The following STX11 variants were observed in gnomAD, a reference collection of about 807,000 sequenced individuals.
The protein encoded by STX11 is syntaxin 11.
In STX11, 21 loss-of-function variants were observed where a neutral mutation model predicts 19.9. That is an observed-to-expected ratio of 1.06 (90% CI 0.75 to 1.52). STX11 has a LOEUF of 1.52. Among genes scored for constraint, STX11 ranks in the 40% most tolerant of loss-of-function variants. The pLI is 0.00. For synonymous variants in STX11, 193 were observed against 174.4 expected, an observed-to-expected ratio of 1.11 and a Z score of -0.84; for missense variants, 438 against 405.9, an observed-to-expected ratio of 1.08 and a Z score of -0.68.
chr6:144,183,860 C>CT lies in STX11; in HGVS notation c.-5-2759dup. 6.6e-6 allele frequency among the ~76,000 whole-genome samples: 1 copy of CT among 152,254 alleles called. No individual in the cohort carries two copies. Among genetic ancestry groups the CT allele is most frequent in the Non-Finnish European group, 1.5e-5 (1 of 68,022 alleles). ...GTTTTAAGCTCAGCATGCATCAGCT[C>CT]TTTTCCCTAATGCTCTCCCCTCCCC... On this transcript the variant is annotated intron_variant, in intron 1 of 1. Transcript: ENST00000367568. This position sits in a 1 kb window ranked among gnomAD's most constrained non-coding sequence, Gnocchi z 4.6.
intron 1 of STX11, among the ~76,000 whole-genome samples, chr6:144,157,197 G>C (rs936255811): frequency 6.6e-6 from 1 of 152,236 alleles, no homozygotes; most frequent in South Asian, 2.1e-4. Flanking sequence ...GATTGCACAG[G>C]GGGAGAGACT....
At chr6:144,146,666 C>G (rs1800879277), upstream of STX11, among the ~76,000 whole-genome samples, 1 of 152,158 alleles carries the variant, frequency 6.6e-6, no homozygotes, top group African/African-American at 2.4e-5. This position sits in a 1 kb window ranked among gnomAD's most constrained non-coding sequence, Gnocchi z 4.4. Context: ...TTACCAGCAT[C>G]TCTGCCATAC....
At chr6:144,168,483 A>G in intron 1 of STX11, among the ~76,000 whole-genome samples, 1 of 152,220 alleles carries the variant, frequency 6.6e-6, no homozygotes, top group Non-Finnish European at 1.5e-5. Context: ...CAGTCAATGA[A>G]TGAAGAACTG....
Position 144,187,050 on chromosome 6 carries a change from C to T in STX11, c.423C>T (p.Arg141=), listed in dbSNP as rs768985732. ...ACGCGCTCACCCTCACCTTCCAGCG[C>T]GCCATGCACGACTACAACCAGGCCG... The part of the protein sequence containing the change: ...QYNALTLTFQ[R]AMHDYNQAEM... The change falls in exon 2 of 2, where the codon CGC becomes CGT. Residue 141 remains arginine, a synonymous_variant. Coordinates refer to ENST00000367568, the MANE Select transcript of STX11 (RefSeq NM_003764.4). This position sits in a 1 kb window ranked among gnomAD's most constrained non-coding sequence, Gnocchi z 5.6. 14 of 1,613,032 alleles carry T rather than the reference C, an allele frequency of 8.7e-6. No individual in the cohort carries two copies. The Admixed American group carries it at 1.5e-4, about 17-fold the overall frequency.
Position 144,191,852 on chromosome 6 carries a change from C to A in STX11, c.*4361C>A, listed in dbSNP as rs6912580. 1.3e-5 allele frequency among the ~76,000 whole-genome samples: 2 copies of A among 152,078 alleles called. No homozygotes were observed. The highest frequency in any genetic ancestry group is 4.8e-5 in the African/African-American group (2 of 41,388). On this transcript the variant is annotated 3_prime_UTR_variant, in exon 2 of 2. Coordinates refer to ENST00000367568, the MANE Select transcript of STX11 (RefSeq NM_003764.4). ...ATGATGAGTGTCTTTGTTATCAACA[C>A]GTTATTAAGAATGGGCAAGATGTCC...
intron 1 of STX11, among the ~76,000 whole-genome samples, chr6:144,171,222 A>C (rs562076705): frequency 6.6e-6 from 1 of 152,304 alleles, no homozygotes; most frequent in South Asian, 2.1e-4. Context: ...GTGGAGTTCT[A>C]AACTGATTCT....
chr6:144,141,015 G>C, the STX11 span, among the ~76,000 whole-genome samples: 1 of 152,166 alleles, frequency 6.6e-6, no homozygotes, highest in Non-Finnish European at 1.5e-5. Context: ...GTTATATTCT[G>C]TTTGTGCTTT....
chr6:144,182,306 A>G lies in STX11; in HGVS notation c.-5-4317A>G, dbSNP rs773737516. Among the ~76,000 whole-genome samples, 7 of 152,132 alleles carry G rather than the reference A, an allele frequency of 4.6e-5. No individual in the cohort carries two copies. The highest frequency in any genetic ancestry group is 8.8e-5 in the Non-Finnish European group (6 of 68,020). The stretch of plus-strand genomic sequence containing the variant: ...TTGACTTTCTGTTGTAGTTTTCCTA[A>G]TGTTTGCTCCCTGGTGACCAGGAGA... On this transcript the variant is annotated intron_variant, in intron 1 of 1. Coordinates refer to ENST00000367568, the MANE Select transcript of STX11 (RefSeq NM_003764.4). This position sits in a 1 kb window ranked among gnomAD's most constrained non-coding sequence, Gnocchi z 4.8.
chr6:144,166,000 A>G lies in STX11; in HGVS notation c.-6+15297A>G, dbSNP rs1003010203. ...CCAGGCCAAGTACCCTTTCTCCTACATGGCATTTGCTTTTCAAATGATATT... is the reference window on the plus strand; with the variant it reads ...CCAGGCCAAGTACCCTTTCTCCTACGTGGCATTTGCTTTTCAAATGATATT... On this transcript the variant is annotated intron_variant, in intron 1 of 1. Transcript: ENST00000367568. This position sits in a 1 kb window ranked among gnomAD's most constrained non-coding sequence, Gnocchi z 5.8. Among the ~76,000 whole-genome samples the G allele has an allele frequency of 6.6e-6, 1 of 152,188 alleles. No individual in the cohort carries two copies. The highest frequency in any genetic ancestry group is 1.5e-5 in the Non-Finnish European group (1 of 68,028).
the STX11 span, among the ~76,000 whole-genome samples, chr6:144,140,209 CATATATATATATATATATATATATATAT>C: frequency 1.6e-4 from 7 of 44,460 alleles, no homozygotes; most frequent in Middle Eastern, 0.016. Context: ...GGTCAATTCA[CATATATATATATATATATATATATATAT>C]ATATATATAT....
rs549075610 is a variant in STX11 at position 144,187,847 on chromosome 6, A to G, written c.*356A>G. On this transcript the variant is annotated 3_prime_UTR_variant, in exon 2 of 2. Coordinates refer to ENST00000367568, the MANE Select transcript of STX11 (RefSeq NM_003764.4). The surrounding 1 kb of genome is among the most constrained non-coding windows in gnomAD (Gnocchi z 5.6). ...CCTCCTAATAAAGACTCAAGGAGGAAGTCAATTGGGCATCTGCTAATAGAA... is the reference window on the plus strand; with the variant it reads ...CCTCCTAATAAAGACTCAAGGAGGAGGTCAATTGGGCATCTGCTAATAGAA... The G allele has an allele frequency of 7.6e-6, 3 of 395,858 alleles. No homozygotes were observed. Among genetic ancestry groups the G allele is most frequent in the Non-Finnish European group, 1.4e-5 (3 of 207,950 alleles). The allele number at this position is 395,858 out of a possible 1,614,324, so 24.5% of individuals were successfully genotyped here. A position where few individuals can be genotyped will look rare whatever the true frequency, so the allele number is the denominator to read the frequency against.
chr6:144,140,900 T>A, the STX11 span: 15 of 616,774 alleles, frequency 2.4e-5, no homozygotes, highest in Non-Finnish European at 3.0e-5. Context: ...AAATGTTTAA[T>A]GTATCTGTGA....
At position 144,176,290 on chromosome 6, in the gene STX11, T is replaced by C. The variant is rs1429570927; in HGVS notation, c.-5-10333T>C. On this transcript the variant is annotated intron_variant, in intron 1 of 1. Coordinates refer to ENST00000367568, the MANE Select transcript of STX11 (RefSeq NM_003764.4). This position sits in a 1 kb window ranked among gnomAD's most constrained non-coding sequence, Gnocchi z 4.1. ...GTGGAAAGGGCATGAACTCAGGACCTGGACAGATGTGAGTTTAAATCCCAG... is the reference window on the plus strand; with the variant it reads ...GTGGAAAGGGCATGAACTCAGGACCCGGACAGATGTGAGTTTAAATCCCAG... 6.6e-6 allele frequency among the ~76,000 whole-genome samples: 1 copy of C among 152,220 alleles called. No homozygotes were observed. The highest frequency in any genetic ancestry group is 2.4e-5 in the African/African-American group (1 of 41,460).
In STX11 at chr6:144,182,502, C is replaced by T. The variant is rs1193709453; in HGVS notation, c.-5-4121C>T. ...TTAGCACATTATGGACTTGCGCCTT[C>T]ACATGAGCTTGGGCCCTTACCTGAT... On this transcript the variant is annotated intron_variant, in intron 1 of 1. Transcript: ENST00000367568. This position sits in a 1 kb window ranked among gnomAD's most constrained non-coding sequence, Gnocchi z 4.8. 6.6e-6 allele frequency among the ~76,000 whole-genome samples: 1 copy of T among 152,232 alleles called. No individual in the cohort carries two copies. The highest frequency in any genetic ancestry group is 1.5e-5 in the Non-Finnish European group (1 of 68,042).
chr6:144,151,159 C>T lies in STX11; in HGVS notation c.-6+456C>T. 1 of 868,182 alleles carries T rather than the reference C, an allele frequency of 1.2e-6. No homozygotes were observed. Among genetic ancestry groups the T allele is most frequent in the Non-Finnish European group, 1.4e-6 (1 of 722,974 alleles). The allele number at this position is 868,182 out of a possible 1,614,324, so 53.8% of individuals were successfully genotyped here. A position where few individuals can be genotyped will look rare whatever the true frequency, so the allele number is the denominator to read the frequency against. On this transcript the variant is annotated intron_variant, in intron 1 of 1. Coordinates refer to ENST00000367568, the MANE Select transcript of STX11 (RefSeq NM_003764.4). The surrounding 1 kb of genome is among the most constrained non-coding windows in gnomAD (Gnocchi z 4.6). ...TTGACTTGAACTTGGCGGTGTCACT[C>T]AGTAGCCAGGAAAGACGGAGAAATT...
In STX11 at chr6:144,180,091, A is replaced by G. The variant is rs1448214697; in HGVS notation, c.-5-6532A>G. Among the ~76,000 whole-genome samples, 2 of 152,160 alleles carry G rather than the reference A, an allele frequency of 1.3e-5. No individual in the cohort carries two copies. Among genetic ancestry groups the G allele is most frequent in the Non-Finnish European group, 2.9e-5 (2 of 68,038 alleles). On this transcript the variant is annotated intron_variant, in intron 1 of 1. Coordinates refer to ENST00000367568, the MANE Select transcript of STX11 (RefSeq NM_003764.4). This position sits in a 1 kb window ranked among gnomAD's most constrained non-coding sequence, Gnocchi z 5.3. The stretch of plus-strand genomic sequence containing the variant: ...TGCTGTGTGCCTTGAGCTGCTCTGT[A>G]TTGCATATTCCCATGTCTGAAAATT...
In STX11 at chr6:144,186,870, C is replaced by T; in HGVS notation, c.243C>T (p.Ser81=). 2 of 1,612,802 alleles carry T rather than the reference C, an allele frequency of 1.2e-6. No homozygotes were observed. Among genetic ancestry groups the T allele is most frequent in the Admixed American group, 1.7e-5 (1 of 60,030 alleles). ...TCACGTCCATGCGGCGCCTCAGCAG[C>T]ATCAAGCGCGACACCAACTCCATCG... ...RFLTSMRRLS[S]IKRDTNSIAK... The change falls in exon 2 of 2, where the codon AGC becomes AGT. Residue 81 remains serine (S), a synonymous_variant. Transcript: ENST00000367568.
At position 144,183,716 on chromosome 6, in the gene STX11, A is replaced by G. The variant is rs973848820; in HGVS notation, c.-5-2907A>G. On this transcript the variant is annotated intron_variant, in intron 1 of 1. Transcript: ENST00000367568. The surrounding 1 kb of genome is among the most constrained non-coding windows in gnomAD (Gnocchi z 4.6). ...GACCCTGAACAATAATACTGATTTT[A>G]TTATTTTATCTTATTTTATGTTTTT... 6.6e-6 allele frequency among the ~76,000 whole-genome samples: 1 copy of G among 152,144 alleles called. No homozygotes were observed. Among genetic ancestry groups the G allele is most frequent in the African/African-American group, 2.4e-5 (1 of 41,428 alleles).
Position 144,187,097 on chromosome 6 carries a change from G to GC in STX11, c.471dup (p.Lys158GlnfsTer28). On this transcript the variant is annotated frameshift_variant, in exon 2 of 2. Coordinates refer to ENST00000367568, the MANE Select transcript of STX11 (RefSeq NM_003764.4). LOFTEE classifies it high-confidence loss of function. The surrounding 1 kb of genome is among the most constrained non-coding windows in gnomAD (Gnocchi z 5.6). ...GCCGAGATGAAGCAGCGCGACAACT[G>GC]CAAGATCCGCATCCAGCGCCAGCTG... The GC allele has an allele frequency of 6.2e-7, 1 of 1,613,812 alleles. No homozygotes were observed. Among genetic ancestry groups the GC allele is most frequent in the Non-Finnish European group, 8.5e-7 (1 of 1,180,008 alleles).
Sources: gnomAD v4.1 joint callset for allele counts (sites outside exome capture counted in the v4.1 genomes callset) on GRCh38, gnomAD v4.1.1 for gene constraint, Gnocchi (gnomAD v3.1) non-coding constraint, MANE v1.5 for transcripts, NCBI Gene and HGNC (gene_info 2026-07-23, HGNC 2026-07-21) for gene names.